EPS15L1: variants seen among roughly 807,000 people sequenced by gnomAD.
The protein encoded by EPS15L1 is epidermal growth factor receptor pathway substrate 15 like 1, also known as epidermal growth factor receptor substrate 15-like 1.
A neutral mutation model predicts 117.1 loss-of-function variants in EPS15L1; 43 were observed. The observed-to-expected ratio is 0.37, with a 90% confidence interval of 0.29 to 0.47. The LOEUF is 0.47. Among genes scored for constraint, EPS15L1 ranks in the 20% least tolerant of loss-of-function variants. EPS15L1 has a pLI of 0.99. For synonymous variants in EPS15L1, 459 were observed against 470.5 expected, an observed-to-expected ratio of 0.98 and a Z score of 0.32; for missense variants, 981 against 1,164.0, an observed-to-expected ratio of 0.84 and a Z score of 2.29.
intron 1 of EPS15L1, among the ~76,000 whole-genome samples, chr19:16,449,489 G>GT (rs1300698541): frequency 6.6e-6 from 1 of 152,124 alleles, no homozygotes; most frequent in Non-Finnish European, 1.5e-5. Context: ...TCAAATGCTG[G>GT]TGAGGATGCA....
chr19:16,406,559 G>C (rs2092658750), intron 13 of EPS15L1, among the ~76,000 whole-genome samples: 1 of 152,204 alleles, frequency 6.6e-6, no homozygotes, highest in African/African-American at 2.4e-5. Flanking sequence ...CCATCACCGG[G>C]TAACGCTGGC....
intron 1 of EPS15L1, among the ~76,000 whole-genome samples, chr19:16,464,441 C>T (rs1373649905): frequency 6.6e-6 from 1 of 152,232 alleles, no homozygotes; most frequent in Non-Finnish European, 1.5e-5. Context: ...GGCAAGCAGA[C>T]ATCCTGTCAG....
chr19:16,428,414 G>GGGAGGGAAGGAAGGAA (rs1426159541), intron 8 of EPS15L1, among the ~76,000 whole-genome samples: 1 of 133,220 alleles, frequency 7.5e-6, no homozygotes, highest in African/African-American at 3.0e-5. Flanking sequence ...AAGGGAGGGA[G>GGGAGGGAAGGAAGGAA]GGAAGGAAGG....
chr19:16,418,190 A>C, intron 10 of EPS15L1, 86 bp from the exon 11 acceptor site: 1 of 1,460,088 alleles, frequency 6.8e-7, no homozygotes, highest in Non-Finnish European at 9.3e-7. Flanking sequence ...CTTTTCAAAA[A>C]CGACAGCGAC....
chr19:16,408,094 G>T (rs73931913), intron 13 of EPS15L1, among the ~76,000 whole-genome samples: 2 of 152,090 alleles, frequency 1.3e-5, no homozygotes, highest in African/African-American at 4.8e-5. Flanking sequence ...GCCGGATGGG[G>T]TAGCTCTGGA....
rs146721237 is a variant in EPS15L1 at position 16,465,481 on chromosome 19, G to A, written c.33+6432C>T. On this transcript the variant is annotated intron_variant, in intron 1 of 23. Transcript: ENST00000455140. ...GAGGATCACTTGAGGTCAGGAGTTC[G>A]AAACCAGCCTGGGCAACATAGCAAG... Among the ~76,000 whole-genome samples the A allele has an allele frequency of 3.5e-3, 526 of 151,632 alleles. 2 individuals carry two copies. Among genetic ancestry groups the A allele is most frequent in the African/African-American group, 0.012 (497 of 41,340 alleles).
chr19:16,403,696 C>A (rs375546436), intron 15 of EPS15L1, 37 bp downstream of exon 15: 3 of 1,593,860 alleles, frequency 1.9e-6, no homozygotes, highest in African/African-American at 2.7e-5. Context: ...GCTCGCTGGT[C>A]CCTGGCATGT....
intron 23 of EPS15L1, among the ~76,000 whole-genome samples, chr19:16,361,409 G>A (rs1043240472): frequency 6.6e-5 from 10 of 152,152 alleles, no homozygotes; most frequent in Admixed American, 6.5e-4. Context: ...TGTAACTTTC[G>A]CAATCTTCTT....
chr19:16,357,994 G>A (rs1372052932), intron 23 of EPS15L1: 1 of 152,312 alleles, frequency 6.6e-6, no homozygotes, highest in Non-Finnish European at 1.5e-5. Context: ...CAGCTGACGG[G>A]GACCTCACCC....
At chr19:16,449,850 A>G (rs1441399184) in intron 1 of EPS15L1, among the ~76,000 whole-genome samples, 1 of 152,208 alleles carries the variant, frequency 6.6e-6, no homozygotes, top group Admixed American at 6.5e-5. Context: ...CATATGCAAT[A>G]ATCTGGATGA....
At chr19:16,418,153 G>A (rs554191474) in intron 10 of EPS15L1, 49 bp from the exon 11 acceptor site, 1 of 1,562,052 alleles carries the variant, frequency 6.4e-7, no homozygotes, top group Admixed American at 1.9e-5. Context: ...CGCCGACTCA[G>A]CCTGAACCCA....
At chr19:16,403,693 G>C in intron 15 of EPS15L1, 40 bp downstream of exon 15, 1 of 1,585,760 alleles carries the variant, frequency 6.3e-7, no homozygotes. Context: ...GGGGCTCGCT[G>C]GTCCCTGGCA....
chr19:16,413,875 A>G (rs750418112), intron 12 of EPS15L1, 30 bp from the exon 13 acceptor site: 1 of 1,554,232 alleles, frequency 6.4e-7, no homozygotes, highest in Non-Finnish European at 8.9e-7. Context: ...TCATGAAAAC[A>G]AGAGTGAATA....
Position 16,386,176 on chromosome 19 carries a change from C to T in EPS15L1, c.2159G>A (p.Gly720Glu). The T allele has an allele frequency of 6.2e-7, 1 of 1,611,024 alleles. No individual in the cohort carries two copies. The highest frequency in any genetic ancestry group is 1.1e-5 in the South Asian group (1 of 90,862). Reference protein sequence around the residue: ...PFSSSSVSSKGSDPFGTLDPF... With the variant: ...PFSSSSVSSKESDPFGTLDPF... ...AAATAAGTCATGGGTCTCACCTGAT[C>T]CTTTTGAGGAGACACTGGAGGATGA... Residue 720 changes from glycine (G) to glutamate (E), a missense_variant, in exon 20 of 24, where the codon GGA (glycine) becomes GAA (glutamate). Physicochemically the swap from Gly to Glu is moderately conservative, Grantham distance 98. Around this residue, in one of 5 missense-constraint regions of EPS15L1, gnomAD observed 819 missense variants for 949.0 expected, o/e 0.86. Coordinates refer to ENST00000455140, the MANE Select transcript of EPS15L1 (RefSeq NM_001258374.3).
intron 22 of EPS15L1, among the ~76,000 whole-genome samples, chr19:16,375,583 T>C (rs1440996917): frequency 6.6e-6 from 1 of 152,250 alleles, no homozygotes; most frequent in Non-Finnish European, 1.5e-5. Context: ...CCACTGCCTC[T>C]GTGTAAGGCA....
intron 16 of EPS15L1, chr19:16,402,081 G>C: frequency 7.8e-7 from 1 of 1,277,674 alleles, no homozygotes; most frequent in Non-Finnish European, 9.9e-7. Context: ...TTCAAAACAG[G>C]TTCTGAAAGG....
At chr19:16,447,422 A>T (rs974531009) in intron 1 of EPS15L1, among the ~76,000 whole-genome samples, 1 of 152,224 alleles carries the variant, frequency 6.6e-6, no homozygotes, top group African/African-American at 2.4e-5. Context: ...GAAAGAAGAG[A>T]TGCAGCAAAG....
intron 16 of EPS15L1, 116 bp downstream of exon 16, chr19:16,402,205 C>T (rs1163740051): frequency 4.6e-5 from 68 of 1,473,596 alleles, no homozygotes; most frequent in South Asian, 2.5e-4. Flanking sequence ...AACAGACAGC[C>T]GCCTGCACTT....
Position 16,378,571 on chromosome 19 carries a change from G to A in EPS15L1, c.2248-1317C>T, listed in dbSNP as rs76882237. Among the ~76,000 whole-genome samples, 30 of 152,192 alleles carry A rather than the reference G, an allele frequency of 2.0e-4. 1 individual carries two copies. In the East Asian group the frequency reaches 5.4e-3, roughly 27 times the overall value. ...ACTGCTCACTGAGCCACAGAGACACGCTTCCAGGCCTCTCCCACCTGGAGG... is the reference window on the plus strand; with the variant it reads ...ACTGCTCACTGAGCCACAGAGACACACTTCCAGGCCTCTCCCACCTGGAGG... On this transcript the variant is annotated intron_variant, in intron 21 of 23. Coordinates refer to ENST00000455140, the MANE Select transcript of EPS15L1 (RefSeq NM_001258374.3).
Sources: gnomAD v4.1 joint callset for allele counts (sites outside exome capture counted in the v4.1 genomes callset) on GRCh38, gnomAD v4.1.1 for gene constraint, gnomAD v4.1.1 regional missense constraint, MANE v1.5 for transcripts, NCBI Gene and HGNC (gene_info 2026-07-23, HGNC 2026-07-21) for gene names.